The following SNTG1 variants were observed in gnomAD, a reference collection of about 807,000 sequenced individuals.
The protein encoded by SNTG1 is syntrophin gamma 1.
SNTG1 carries 39 observed loss-of-function variants against 74.7 expected under a neutral mutation model. That is an observed-to-expected ratio of 0.52 (90% CI 0.40 to 0.68). The LOEUF is 0.68. SNTG1 is among the 30% of genes least tolerant of loss of function. The pLI is 0.00. For missense variants in SNTG1, 685 were observed against 609.5 expected, an observed-to-expected ratio of 1.12 and a Z score of -1.30; for synonymous variants, 254 against 217.1, an observed-to-expected ratio of 1.17 and a Z score of -1.49.
chr8:50,317,362 C>T (rs1194687956), intron 2 of SNTG1, among the ~76,000 whole-genome samples: 1 of 152,116 alleles, frequency 6.6e-6, no homozygotes, highest in Non-Finnish European at 1.5e-5. Flanking sequence ...CCAAAAGTTT[C>T]TTTGGTCTGA....
chr8:50,524,131 C>T (rs1227114582), intron 9 of SNTG1, among the ~76,000 whole-genome samples: 1 of 151,616 alleles, frequency 6.6e-6, no homozygotes, highest in African/African-American at 2.4e-5. Context: ...TTTTGTGTAC[C>T]CCTTATAGGT....
chr8:49,956,808 T>G (rs1410504049), intron 1 of SNTG1, among the ~76,000 whole-genome samples: 1 of 152,164 alleles, frequency 6.6e-6, no homozygotes, highest in Non-Finnish European at 1.5e-5. Context: ...TTAAGAACCA[T>G]GGTAAATAAT....
chr8:50,149,130 C>A (rs1193869589), intron 1 of SNTG1, among the ~76,000 whole-genome samples: 1 of 151,890 alleles, frequency 6.6e-6, no homozygotes, highest in Admixed American at 6.6e-5. Flanking sequence ...GATTTGATTT[C>A]TCTGATGCCA....
intron 1 of SNTG1, among the ~76,000 whole-genome samples, chr8:49,943,145 T>A (rs1808852122): frequency 1.3e-5 from 2 of 152,148 alleles, no homozygotes; most frequent in African/African-American, 4.8e-5. Context: ...AGTATTTAAA[T>A]CCACCCTGTT....
chr8:50,184,490 C>T (rs566390124), intron 2 of SNTG1, among the ~76,000 whole-genome samples: 1 of 152,128 alleles, frequency 6.6e-6, no homozygotes, highest in African/African-American at 2.4e-5. Context: ...AAATAAAATT[C>T]CTCCTTTAAC....
chr8:50,366,443 C>G (rs753904407), intron 2 of SNTG1, among the ~76,000 whole-genome samples: 12 of 151,996 alleles, frequency 7.9e-5, no homozygotes, highest in Non-Finnish European at 4.4e-5. Context: ...CCATGACCAT[C>G]TTAATCAGAA....
At chr8:50,496,498 C>A (rs1185100792) in intron 8 of SNTG1, among the ~76,000 whole-genome samples, 1 of 152,118 alleles carries the variant, frequency 6.6e-6, no homozygotes, top group Non-Finnish European at 1.5e-5. Flanking sequence ...AGCTAAATTC[C>A]TCCTTAGAAT....
At chr8:50,481,851 C>G (rs999249130) in intron 8 of SNTG1, among the ~76,000 whole-genome samples, 1 of 152,124 alleles carries the variant, frequency 6.6e-6, no homozygotes, top group Non-Finnish European at 1.5e-5. Context: ...AATGGCTTCC[C>G]TTAATGTGTA....
At chr8:50,096,346 G>C (rs1586250568) in intron 1 of SNTG1, among the ~76,000 whole-genome samples, 1 of 152,228 alleles carries the variant, frequency 6.6e-6, no homozygotes, top group East Asian at 1.9e-4. Context: ...TTTTGGCTAA[G>C]GTGTAACTCT....
At chr8:50,284,103 T>TAAA (rs2088628227) in intron 2 of SNTG1, among the ~76,000 whole-genome samples, 1 of 152,112 alleles carries the variant, frequency 6.6e-6, no homozygotes, top group South Asian at 2.1e-4. Context: ...GTCACAGACA[T>TAAA]TCTTTGGTTT....
intron 9 of SNTG1, among the ~76,000 whole-genome samples, chr8:50,512,904 C>T (rs1204610127): frequency 6.6e-6 from 1 of 152,126 alleles, no homozygotes; most frequent in Non-Finnish European, 1.5e-5. Flanking sequence ...CTGAAGCCTT[C>T]TTCTCTCAAC....
chr8:50,383,434 A>T (rs897913086), intron 2 of SNTG1, among the ~76,000 whole-genome samples: 1 of 152,262 alleles, frequency 6.6e-6, no homozygotes, highest in East Asian at 1.9e-4. Flanking sequence ...GACATATATT[A>T]TACATATGTG....
At chr8:50,565,019 T>C (rs1272394812) in intron 12 of SNTG1, among the ~76,000 whole-genome samples, 1 of 152,058 alleles carries the variant, frequency 6.6e-6, no homozygotes, top group Admixed American at 6.6e-5. Context: ...TAATAATATG[T>C]ACCCTTGATA....
chr8:50,210,002 A>T (rs548712698), intron 2 of SNTG1, among the ~76,000 whole-genome samples: 24 of 152,320 alleles, frequency 1.6e-4, no homozygotes, highest in African/African-American at 5.5e-4. Context: ...CGAATGGCTA[A>T]CTAGAATAAA....
At chr8:50,211,480 T>A (rs982496320) in intron 2 of SNTG1, among the ~76,000 whole-genome samples, 5 of 152,134 alleles carry the variant, frequency 3.3e-5, no homozygotes, top group African/African-American at 1.2e-4. Flanking sequence ...TTATCTTTCT[T>A]AATCCTGAGA....
intron 1 of SNTG1, among the ~76,000 whole-genome samples, chr8:50,096,515 C>A (rs560887078): frequency 6.6e-6 from 1 of 152,110 alleles, no homozygotes; most frequent in Non-Finnish European, 1.5e-5. Flanking sequence ...GTTCACAATA[C>A]AATTATTGTA....
chr8:50,161,057 G>A (rs1447800411), intron 1 of SNTG1, among the ~76,000 whole-genome samples: 1 of 152,092 alleles, frequency 6.6e-6, no homozygotes, highest in African/African-American at 2.4e-5. Flanking sequence ...TTAATGTCAA[G>A]ACTTATAGAT....
chr8:49,971,866 G>T (rs1452012103), intron 1 of SNTG1, among the ~76,000 whole-genome samples: 1 of 152,072 alleles, frequency 6.6e-6, no homozygotes, highest in African/African-American at 2.4e-5. Flanking sequence ...AAATAAAAGA[G>T]GATACAAAGA....
Position 50,082,875 on chromosome 8 carries a change from C to T in SNTG1, c.-102-89686C>T, listed in dbSNP as rs914374243. ...TTGACTATCTGACTTCTACAGCTCC[C>T]TATTACATCCCGTGCTACTCCTACA... On this transcript the variant is annotated intron_variant, in intron 1 of 18. Transcript: ENST00000642720. 2.0e-4 allele frequency among the ~76,000 whole-genome samples: 31 copies of T among 152,160 alleles called. 1 individual carries two copies. Among genetic ancestry groups the T allele is most frequent in the Admixed American group, 2.0e-3 (31 of 15,272 alleles).
Sources: gnomAD v4.1 joint callset for allele counts (sites outside exome capture counted in the v4.1 genomes callset) on GRCh38, gnomAD v4.1.1 for gene constraint, MANE v1.5 for transcripts, NCBI Gene and HGNC (gene_info 2026-07-23, HGNC 2026-07-21) for gene names.